Variants in AKAP6 observed in about 807,000 individuals in gnomAD.
The protein encoded by AKAP6 is A-kinase anchor protein 6.
Under a neutral mutation model 188.5 loss-of-function variants are expected in AKAP6, and 58 were observed. That is an observed-to-expected ratio of 0.31 (90% confidence interval 0.25 to 0.38). AKAP6 has a LOEUF of 0.38. AKAP6 is among the 10% of genes least tolerant of loss of function. The pLI is 1.00. For missense variants in AKAP6, 2,710 were observed against 2,740.0 expected (o/e 0.99, Z 0.24); for synonymous variants, 989 against 998.6 (o/e 0.99, Z 0.18).
chr14:32,759,873 G>A (rs2032478962), intron 11 of AKAP6, among the ~76,000 whole-genome samples: 1 of 152,118 alleles, frequency 6.6e-6, no homozygotes, highest in Non-Finnish European at 1.5e-5. Flanking sequence ...TCCAGCATAG[G>A]GGATTACACT....
At chr14:32,672,886 A>G (rs1291785954) in intron 7 of AKAP6, among the ~76,000 whole-genome samples, 1 of 152,188 alleles carries the variant, frequency 6.6e-6, no homozygotes, top group Admixed American at 6.5e-5. Context: ...TTAGGCGACT[A>G]TCTTGTCATG....
rs1368615191 is a variant in AKAP6 at position 32,546,579 on chromosome 14, A to G, written c.1926A>G (p.Val642=). 3 of 1,614,204 alleles carry G rather than the reference A, an allele frequency of 1.9e-6. No individual in the cohort carries two copies. The highest frequency in any genetic ancestry group is 2.5e-6 in the Non-Finnish European group (3 of 1,180,026). The stretch of plus-strand genomic sequence containing the variant: ...CCTCTCACCTTAAGCAGACAGAAGT[A>G]TTGGCTTTGAAGTTGGAAAACCTAA... ...ALPSHLKQTE[V]LALKLENLTK... Residue 642 remains valine (V), a synonymous_variant, in exon 4 of 14, where the codon GTA becomes GTG. Coordinates refer to ENST00000280979, the MANE Select transcript of AKAP6 (RefSeq NM_004274.5).
At chr14:32,454,393 G>C (rs181022764) in intron 2 of AKAP6, among the ~76,000 whole-genome samples, 40 of 152,282 alleles carry the variant, frequency 2.6e-4, no homozygotes, top group Non-Finnish European at 4.6e-4. Context: ...CAACCGATGA[G>C]AATGCTTGTC....
intron 5 of AKAP6, among the ~76,000 whole-genome samples, chr14:32,595,060 A>T (rs1005874395): frequency 6.6e-6 from 1 of 152,188 alleles, no homozygotes; most frequent in African/African-American, 2.4e-5. Flanking sequence ...AAGGAAAAGC[A>T]TACCTTTTTT....
chr14:32,716,098 A>C (rs1044891665), intron 9 of AKAP6, among the ~76,000 whole-genome samples: 1 of 152,030 alleles, frequency 6.6e-6, no homozygotes, highest in Admixed American at 6.6e-5. Context: ...ATGCAAGCAA[A>C]GTTTAAATAT....
At chr14:32,642,555 A>C (rs1272122711) in intron 7 of AKAP6, among the ~76,000 whole-genome samples, 2 of 152,194 alleles carry the variant, frequency 1.3e-5, no homozygotes. Flanking sequence ...TGTCCTTAAA[A>C]TTAGGCATCT....
intron 11 of AKAP6, among the ~76,000 whole-genome samples, chr14:32,748,164 C>T (rs2031986733): frequency 1.3e-5 from 2 of 152,150 alleles, no homozygotes; most frequent in Admixed American, 1.3e-4. Context: ...ACTGGAAGAA[C>T]ATAATTGCAA....
At chr14:32,462,096 A>G (rs34757755) in intron 2 of AKAP6, among the ~76,000 whole-genome samples, 49,525 of 151,882 alleles carry the variant, frequency 0.33, 10,382 homozygotes, top group Non-Finnish European at 0.47. Context: ...GACCAAACCT[A>G]TGATTGATTG....
intron 1 of AKAP6, among the ~76,000 whole-genome samples, chr14:32,352,542 ATC>A (rs1374716925): frequency 6.6e-6 from 1 of 151,776 alleles, no homozygotes; most frequent in Non-Finnish European, 1.5e-5. Context: ...CCCTTGACCA[ATC>A]TCCCTCCATC....
chr14:32,757,753 T>A (rs923920543), intron 11 of AKAP6, among the ~76,000 whole-genome samples: 1 of 152,080 alleles, frequency 6.6e-6, no homozygotes, highest in Non-Finnish European at 1.5e-5. Context: ...ACATGCAAGT[T>A]GAGTAGGATG....
intron 11 of AKAP6, among the ~76,000 whole-genome samples, chr14:32,736,923 A>G (rs544221224): frequency 3.9e-5 from 6 of 152,140 alleles, no homozygotes; most frequent in Non-Finnish European, 5.9e-5. Context: ...TCTGCATTGC[A>G]CACCTGTAAA....
intron 7 of AKAP6, among the ~76,000 whole-genome samples, chr14:32,633,487 T>C (rs558741589): frequency 2.0e-5 from 3 of 152,024 alleles, no homozygotes; most frequent in Non-Finnish European, 4.4e-5. Flanking sequence ...AGGCCTCCTG[T>C]GGAGGAGGAT....
At chr14:32,548,419 T>A (rs535559041) in intron 4 of AKAP6, among the ~76,000 whole-genome samples, 1 of 151,898 alleles carries the variant, frequency 6.6e-6, no homozygotes, top group African/African-American at 2.4e-5. Context: ...TTTTTTTTTT[T>A]ACTTGATCTT....
chr14:32,513,522 A>G (rs117187949), intron 2 of AKAP6, among the ~76,000 whole-genome samples: 1,577 of 152,322 alleles, frequency 0.01, 11 homozygotes, highest in Middle Eastern at 0.024. Flanking sequence ...AATGCTGGGA[A>G]TCTGAGGATC....
intron 11 of AKAP6, among the ~76,000 whole-genome samples, chr14:32,751,774 T>C (rs1193392327): frequency 6.6e-6 from 1 of 152,190 alleles, no homozygotes; most frequent in Non-Finnish European, 1.5e-5. Flanking sequence ...ATTTTGTAAT[T>C]CATTGTTTTC....
rs763520135 is a variant in AKAP6 at position 32,694,360 on chromosome 14, C to CA, written c.2880-1619dup. On this transcript the variant is annotated intron_variant, in intron 8 of 13. Transcript: ENST00000280979. ...TGGATAACAGAGTGAGACTCCGTCT[C>CA]AAAAAAAAAAACAAAAAAAAGCGTG... Among the ~76,000 whole-genome samples, 261 of 93,432 alleles carry CA rather than the reference C, an allele frequency of 2.8e-3. 2 individuals carry two copies. Among genetic ancestry groups the CA allele is most frequent in the East Asian group, 7.8e-3 (27 of 3,464 alleles). 61.3% of individuals were successfully genotyped at this position (93,432 alleles called of 152,430 possible). A position where few individuals can be genotyped will look rare whatever the true frequency, so the allele number is the denominator to read the frequency against.
At chr14:32,749,805 A>G (rs2032057149) in intron 11 of AKAP6, among the ~76,000 whole-genome samples, 1 of 152,220 alleles carries the variant, frequency 6.6e-6, no homozygotes, top group Admixed American at 6.5e-5. Context: ...ATCTGGAAGG[A>G]CTAACCAGAA....
At chr14:32,445,939 T>C (rs1361500546) in intron 2 of AKAP6, among the ~76,000 whole-genome samples, 1 of 152,186 alleles carries the variant, frequency 6.6e-6, no homozygotes, top group Non-Finnish European at 1.5e-5. Flanking sequence ...ATACCTATAC[T>C]GGAAATCTGA....
At chr14:32,609,873 T>TGACACACA (rs1227807063) in intron 7 of AKAP6, among the ~76,000 whole-genome samples, 1 of 125,136 alleles carries the variant, frequency 8.0e-6, no homozygotes, top group African/African-American at 3.8e-5. Flanking sequence ...TCTCTCTCTC[T>TGACACACA]CTCTCTGACA....
Sources: allele counts gnomAD v4.1 joint callset (sites outside exome capture counted in the v4.1 genomes callset), GRCh38; gene constraint gnomAD v4.1.1; transcripts MANE v1.5; gene names NCBI Gene and HGNC (gene_info 2026-07-23, HGNC 2026-07-21).